Variants in ZNF385D observed in about 807,000 individuals in gnomAD.
ZNF385D encodes the protein zinc finger protein 659.
ZNF385D carries 15 observed loss-of-function variants against 35.8 expected under a neutral mutation model. The observed-to-expected ratio is 0.42, with a 90% CI of 0.28 to 0.64. ZNF385D has a LOEUF of 0.64. ZNF385D is among the 30% of genes least tolerant of loss of function. The pLI, the probability that ZNF385D is intolerant of heterozygous loss-of-function variation, is 0.23. For synonymous variants in ZNF385D, 212 were observed against 186.8 expected (o/e 1.13, Z -1.10); for missense variants, 474 against 494.6 (o/e 0.96, Z 0.39).
intron 3 of ZNF385D, among the ~76,000 whole-genome samples, chr3:22,004,189 T>A (rs1172794729): frequency 6.6e-6 from 1 of 152,046 alleles, no homozygotes; most frequent in African/African-American, 2.4e-5. Flanking sequence ...TAAGAATACA[T>A]GTTGGGGATA....
chr3:22,273,355 C>G (rs182303865), intron 2 of ZNF385D, among the ~76,000 whole-genome samples: 88 of 151,988 alleles, frequency 5.8e-4, no homozygotes, highest in African/African-American at 2.0e-3. Flanking sequence ...GAAATTAAAG[C>G]AGATATATTT....
chr3:21,981,485 T>G (rs994534942), intron 3 of ZNF385D, among the ~76,000 whole-genome samples: 1 of 152,158 alleles, frequency 6.6e-6, no homozygotes, highest in Non-Finnish European at 1.5e-5. Context: ...AGATGCATAG[T>G]TGGCAAAAAT....
chr3:22,070,018 T>A (rs984437125), intron 3 of ZNF385D, among the ~76,000 whole-genome samples: 1 of 152,176 alleles, frequency 6.6e-6, no homozygotes, highest in Non-Finnish European at 1.5e-5. Flanking sequence ...GGTACTTTAT[T>A]TTTAGTGTCA....
intron 2 of ZNF385D, among the ~76,000 whole-genome samples, chr3:22,299,946 A>G (rs1256812631): frequency 1.3e-5 from 2 of 152,006 alleles, no homozygotes; most frequent in Non-Finnish European, 2.9e-5. Context: ...CATTTCTCAC[A>G]GAAATAAAAT....
At chr3:21,482,966 T>G (rs1191080088) in intron 4 of ZNF385D, among the ~76,000 whole-genome samples, 3 of 152,144 alleles carry the variant, frequency 2.0e-5, no homozygotes, top group Non-Finnish European at 4.4e-5. Context: ...AAAATTGACA[T>G]TAGACAGTAT....
At chr3:22,203,284 C>A (rs1419668954) in intron 2 of ZNF385D, among the ~76,000 whole-genome samples, 1 of 152,096 alleles carries the variant, frequency 6.6e-6, no homozygotes. Context: ...TAGAAACACA[C>A]TGGGACAGAA....
intron 3 of ZNF385D, among the ~76,000 whole-genome samples, chr3:21,891,294 TATCCAGGA>T (rs1698851580): frequency 6.6e-6 from 1 of 152,134 alleles, no homozygotes; most frequent in South Asian, 2.1e-4. Flanking sequence ...AACAAGGAGC[TATCCAGGA>T]AGTACACTGA....
chr3:21,784,316 C>T (rs2125643350), intron 3 of ZNF385D, among the ~76,000 whole-genome samples: 1 of 152,252 alleles, frequency 6.6e-6, no homozygotes, highest in East Asian at 1.9e-4. Context: ...TATTTACTTA[C>T]CTTTTGGTGT....
At chr3:22,269,041 A>T (rs1701040351) in intron 2 of ZNF385D, among the ~76,000 whole-genome samples, 1 of 151,924 alleles carries the variant, frequency 6.6e-6, no homozygotes, top group Non-Finnish European at 1.5e-5. Flanking sequence ...GAGAAAAGTA[A>T]AGGCCCCACA....
chr3:21,468,829 T>C (rs1703697543), intron 4 of ZNF385D, among the ~76,000 whole-genome samples: 1 of 152,100 alleles, frequency 6.6e-6, no homozygotes, highest in African/African-American at 2.4e-5. Flanking sequence ...CTCGGGAGAC[T>C]GAGGCAGGGT....
intron 3 of ZNF385D, among the ~76,000 whole-genome samples, chr3:22,107,179 A>T (rs1702271346): frequency 6.6e-6 from 1 of 151,616 alleles, no homozygotes. Context: ...ATGTGCCACC[A>T]CACCTAGCTA....
intron 4 of ZNF385D, among the ~76,000 whole-genome samples, chr3:21,454,155 T>C (rs1203434696): frequency 6.6e-6 from 1 of 151,920 alleles, no homozygotes; most frequent in African/African-American, 2.4e-5. Context: ...AGAACATTCA[T>C]AGAGACAAAG....
At chr3:22,021,362 A>T (rs1697215591) in intron 3 of ZNF385D, among the ~76,000 whole-genome samples, 1 of 152,018 alleles carries the variant, frequency 6.6e-6, no homozygotes, top group African/African-American at 2.4e-5. Flanking sequence ...AAATGTTAGA[A>T]ATCCACAACA....
intron 3 of ZNF385D, among the ~76,000 whole-genome samples, chr3:21,932,136 C>T (rs569357794): frequency 7.5e-5 from 9 of 119,838 alleles, no homozygotes; most frequent in Admixed American, 2.0e-4. Flanking sequence ...CCCTGCACTC[C>T]GGCCTGGGCG....
intron 3 of ZNF385D, among the ~76,000 whole-genome samples, chr3:21,531,932 C>T (rs907164884): frequency 3.9e-5 from 6 of 152,070 alleles, no homozygotes; most frequent in East Asian, 1.9e-4. Flanking sequence ...TCAATTGAAA[C>T]AAATGTACCA....
rs144266694 is a variant in ZNF385D, at chr3:22,172,047, C to A, written c.107-3012G>T. Among the ~76,000 whole-genome samples the A allele has an allele frequency of 1.6e-3, 243 of 152,300 alleles. 3 individuals are homozygous for A. The East Asian group carries it at 0.032, about 20-fold the overall frequency. ...GGAAATTTGACATATTTGAGTTCCACTGAGAAAAAGTTCAGCAGTCATACA... is the reference window on the plus strand; with the variant it reads ...GGAAATTTGACATATTTGAGTTCCAATGAGAAAAAGTTCAGCAGTCATACA... On this transcript the variant is annotated intron_variant, in intron 2 of 5. Transcript: ENST00000494108.
chr3:22,046,148 G>A (rs1698993600), intron 3 of ZNF385D, among the ~76,000 whole-genome samples: 1 of 152,138 alleles, frequency 6.6e-6, no homozygotes, highest in Admixed American at 6.6e-5. Context: ...GATCTGCTAA[G>A]TGGAATAAAC....
chr3:21,797,210 A>C (rs1441073705), intron 3 of ZNF385D, among the ~76,000 whole-genome samples: 1 of 152,234 alleles, frequency 6.6e-6, no homozygotes, highest in East Asian at 1.9e-4. Flanking sequence ...ATACATACAA[A>C]TGACAAATAA....
intron 3 of ZNF385D, among the ~76,000 whole-genome samples, chr3:22,109,844 G>C (rs184040809): frequency 2.0e-5 from 3 of 152,130 alleles, no homozygotes; most frequent in Non-Finnish European, 4.4e-5. Context: ...AACAGGCAGC[G>C]TACAGAATGG....
Sources: gnomAD v4.1 joint callset for allele counts (sites outside exome capture counted in the v4.1 genomes callset) on GRCh38, gnomAD v4.1.1 for gene constraint, MANE v1.5 for transcripts, NCBI Gene and HGNC (gene_info 2026-07-23, HGNC 2026-07-21) for gene names.